RAD54L2: variants seen among roughly 807,000 people sequenced by gnomAD.
RAD54L2 encodes RAD54 like 2.
RAD54L2 carries 27 observed loss-of-function variants against 138.4 expected under a neutral mutation model. The observed-to-expected ratio is 0.20, with a 90% CI of 0.14 to 0.27. The LOEUF is 0.27. Ranked by LOEUF, RAD54L2 falls within the 10% of genes least tolerant of loss-of-function variation. RAD54L2 has a pLI of 1.00. For missense variants in RAD54L2, 1,396 were observed against 1,890.2 expected (o/e 0.74, Z 4.85); for synonymous variants, 644 against 723.2 (o/e 0.89, Z 1.76).
intron 3 of RAD54L2, among the ~76,000 whole-genome samples, chr3:51,612,591 A>G (rs1700353985): frequency 6.6e-6 from 1 of 151,984 alleles, no homozygotes; most frequent in Non-Finnish European, 1.5e-5. Flanking sequence ...TTATTTTTGT[A>G]TTCTAGATAT....
chr3:51,661,258 A>C (rs886444944), intron 22 of RAD54L2, among the ~76,000 whole-genome samples: 5 of 152,224 alleles, frequency 3.3e-5, no homozygotes, highest in African/African-American at 1.2e-4. Context: ...CACCATGCCC[A>C]GCCAATTTTC....
At chr3:51,547,305 G>A (rs1698722390) in intron 2 of RAD54L2, among the ~76,000 whole-genome samples, 1 of 151,952 alleles carries the variant, frequency 6.6e-6, no homozygotes, top group South Asian at 2.1e-4. Flanking sequence ...GAACTCCAGA[G>A]ATAGAGGCTG....
rs199814100 is a variant in RAD54L2 at position 51,635,704 on chromosome 3, A to G, written c.1254A>G (p.Thr418=). 1.2e-5 allele frequency: 20 copies of G among 1,613,942 alleles called. No homozygotes were observed. Among genetic ancestry groups the G allele is most frequent in the Middle Eastern group, 1.7e-4 (1 of 6,058 alleles). ...TCACTCTGAAGAAATCATTTGCCAC[A>G]GGTAGACCGAAGAAAACCAAGAAGC... The part of the protein sequence containing the change: ...RLLTLKKSFA[T]GRPKKTKKRS... Residue 418 remains threonine, a synonymous_variant, in exon 10 of 23, where the codon ACA becomes ACG. Transcript: ENST00000684192.
rs80199315 is a variant in RAD54L2, at chr3:51,645,250, C to T, written c.2656+21C>T. ...GTCAGGTGGGCCATCTTCCAGACTT[C>T]GGAGAGGCACATCTATACAGGCTAC... On this transcript the variant is annotated intron_variant, in intron 17 of 22. Transcript: ENST00000684192. This position sits in a 1 kb window ranked among gnomAD's most constrained non-coding sequence, Gnocchi z 6.1. 1,815 of 1,578,988 alleles carry T rather than the reference C, an allele frequency of 1.1e-3. 14 individuals are homozygous for T. In the African/African-American group the frequency reaches 0.02, roughly 18 times the overall value.
chr3:51,592,427 C>T (rs776565123), intron 3 of RAD54L2, among the ~76,000 whole-genome samples: 40 of 151,868 alleles, frequency 2.6e-4, no homozygotes, highest in Non-Finnish European at 4.9e-4. Flanking sequence ...GATAAACAAA[C>T]GTTCCATTAG....
chr3:51,644,977 C>CT (rs962035237), intron 16 of RAD54L2, 47 bp from the exon 17 acceptor site: 13 of 1,605,018 alleles, frequency 8.1e-6, no homozygotes, highest in African/African-American at 5.4e-5. Flanking sequence ...ATTTGAAAAC[C>CT]TTTTTTAAGA....
At chr3:51,633,105 A>G (rs1332948189) in intron 7 of RAD54L2, among the ~76,000 whole-genome samples, 1 of 152,094 alleles carries the variant, frequency 6.6e-6, no homozygotes, top group Non-Finnish European at 1.5e-5. Context: ...CTGTAATCCC[A>G]GTTACTCTGG....
intron 8 of RAD54L2, 35 bp downstream of exon 8, chr3:51,633,794 T>C (rs1478482841): frequency 6.2e-7 from 1 of 1,611,764 alleles, no homozygotes; most frequent in Non-Finnish European, 8.5e-7. Context: ...CTTAAGTCAC[T>C]CCTGAAGAGC....
At chr3:51,659,384 C>A (rs1052458900) in intron 21 of RAD54L2, among the ~76,000 whole-genome samples, 2 of 152,100 alleles carry the variant, frequency 1.3e-5, no homozygotes, top group Non-Finnish European at 2.9e-5. Flanking sequence ...GGATTACAGG[C>A]GTGAGCCACT....
At position 51,663,246 on chromosome 3, in the gene RAD54L2, G is replaced by A. The variant is rs761533446; in HGVS notation, c.4230G>A (p.Ser1410=). The stretch of plus-strand genomic sequence containing the variant: ...CCCCTGTCTTGCCCAGCAACCTTTC[G>A]CGGGGCATGTCTATCTATCCAGGCT... ...FPSPVLPSNL[S]RGMSIYPGYM... Residue 1410 remains serine (S), a synonymous_variant, in exon 23 of 23, where the codon TCG becomes TCA. Transcript: ENST00000684192. 8 of 1,613,774 alleles carry A rather than the reference G, an allele frequency of 5.0e-6. No individual in the cohort carries two copies. Among genetic ancestry groups the A allele is most frequent in the East Asian group, 4.5e-5 (2 of 44,878 alleles).
At position 51,662,739 on chromosome 3, in the gene RAD54L2, C is replaced by T; in HGVS notation, c.3723C>T (p.Pro1241=). ...GTTCCCTCTTGGTGACTGGCCAGCC[C>T]TGTGGTGACAGGCACCCAGTGCTGG... ...LNSSLLVTGQ[P]CGDRHPVLDL... The change falls in exon 23 of 23, where the codon CCC becomes CCT. Residue 1241 remains proline (P), a synonymous_variant. Coordinates refer to ENST00000684192, the MANE Select transcript of RAD54L2 (RefSeq NM_015106.4). This position sits in a 1 kb window ranked among gnomAD's most constrained non-coding sequence, Gnocchi z 4.6. 1.2e-6 allele frequency: 2 copies of T among 1,613,482 alleles called. No homozygotes were observed. Among genetic ancestry groups the T allele is most frequent in the East Asian group, 4.5e-5 (2 of 44,870 alleles).
intron 20 of RAD54L2, 29 bp downstream of exon 20, chr3:51,656,199 C>T (rs1203989225): frequency 6.5e-7 from 1 of 1,527,688 alleles, no homozygotes; most frequent in Non-Finnish European, 8.9e-7. Flanking sequence ...TGTGGCAGAG[C>T]TGCTGTCCCT....
intron 2 of RAD54L2, among the ~76,000 whole-genome samples, chr3:51,573,380 A>T (rs1424182781): frequency 1.3e-5 from 2 of 152,156 alleles, no homozygotes; most frequent in African/African-American, 4.8e-5. Flanking sequence ...AAGGAAAGGA[A>T]GTTTGTTACT....
intron 16 of RAD54L2, 68 bp downstream of exon 16, chr3:51,644,042 C>G (rs1407803369): frequency 8.1e-7 from 1 of 1,235,976 alleles, no homozygotes; most frequent in Non-Finnish European, 1.1e-6. Context: ...GGCTGGTACC[C>G]CAAAACTCCA....
chr3:51,546,479 A>G (rs539458685), intron 2 of RAD54L2, among the ~76,000 whole-genome samples: 1 of 150,912 alleles, frequency 6.6e-6, no homozygotes, highest in East Asian at 2.0e-4. Context: ...CATCTCTACT[A>G]AAAGTACAAA....
chr3:51,598,839 A>C (rs544932348), intron 3 of RAD54L2, among the ~76,000 whole-genome samples: 4 of 152,166 alleles, frequency 2.6e-5, no homozygotes, highest in Admixed American at 6.6e-5. Flanking sequence ...GGTGTCACAC[A>C]AAGGGAGGGT....
chr3:51,552,421 C>T (rs1698861665), intron 2 of RAD54L2, among the ~76,000 whole-genome samples: 1 of 151,998 alleles, frequency 6.6e-6, no homozygotes, highest in African/African-American at 2.4e-5. Flanking sequence ...CGCCACCACG[C>T]CCGGCTGAGT....
chr3:51,619,477 G>A (rs1042215671), intron 3 of RAD54L2, among the ~76,000 whole-genome samples: 1 of 151,448 alleles, frequency 6.6e-6, no homozygotes, highest in African/African-American at 2.4e-5. Context: ...CTGACACAGT[G>A]CAATGTGTCT....
chr3:51,656,268 C>A, intron 20 of RAD54L2, 98 bp downstream of exon 20: 1 of 1,172,910 alleles, frequency 8.5e-7, no homozygotes, highest in Non-Finnish European at 1.2e-6. Context: ...TATTTCTGGC[C>A]TTACTACATT....
Sources: allele counts gnomAD v4.1 joint callset (sites outside exome capture counted in the v4.1 genomes callset), GRCh38; gene constraint gnomAD v4.1.1; non-coding constraint Gnocchi (gnomAD v3.1); transcripts MANE v1.5; gene names NCBI Gene and HGNC (gene_info 2026-07-23, HGNC 2026-07-21).